HDAC9: variants seen among roughly 807,000 people sequenced by gnomAD.
The protein encoded by HDAC9 is MEF-2 interacting transcription repressor (MITR) protein.
A neutral mutation model predicts 139.4 loss-of-function variants in HDAC9; 41 were observed. The ratio of observed to expected loss-of-function variants is 0.29; its 90% confidence interval spans 0.23 to 0.38. The LOEUF (loss-of-function observed/expected upper bound fraction) is 0.38. Ranked by LOEUF, HDAC9 falls within the 10% of genes least tolerant of loss-of-function variation. The pLI is 1.00. For missense variants in HDAC9, 1,147 were observed against 1,297.0 expected, an observed-to-expected ratio of 0.88 and a Z score of 1.78; for synonymous variants, 517 against 476.2, an observed-to-expected ratio of 1.09 and a Z score of -1.12.
chr7:18,937,273 C>A (rs959308497), intron 23 of HDAC9, among the ~76,000 whole-genome samples: 3 of 151,882 alleles, frequency 2.0e-5, no homozygotes, highest in Admixed American at 2.0e-4. Flanking sequence ...CTCCTGACCT[C>A]GTGATCTGCC....
intron 1 of HDAC9, among the ~76,000 whole-genome samples, chr7:18,453,668 A>G (rs888024961): frequency 1.3e-5 from 2 of 152,168 alleles, no homozygotes; most frequent in Non-Finnish European, 2.9e-5. Context: ...ATATAATATC[A>G]TAACTTATTT....
intron 22 of HDAC9, among the ~76,000 whole-genome samples, chr7:18,900,300 C>G (rs1990115): frequency 0.08 from 12,119 of 152,090 alleles, 741 homozygotes; most frequent in African/African-American, 0.17. Context: ...ACTGGGAAAA[C>G]TCTAGGGTGC....
intron 11 of HDAC9, among the ~76,000 whole-genome samples, chr7:18,663,547 A>G (rs1429427992): frequency 6.6e-6 from 1 of 151,796 alleles, no homozygotes; most frequent in African/African-American, 2.4e-5. Context: ...CTCAGTTCCT[A>G]TTCCATGACC....
intron 1 of HDAC9, among the ~76,000 whole-genome samples, chr7:18,099,003 A>G (rs571754388): frequency 1.3e-5 from 2 of 152,302 alleles, no homozygotes; most frequent in South Asian, 4.1e-4. Flanking sequence ...TTCATTCTTG[A>G]CAGGTTGGGG....
At chr7:18,117,151 A>C (rs1292514079) in intron 1 of HDAC9, among the ~76,000 whole-genome samples, 1 of 152,138 alleles carries the variant, frequency 6.6e-6, no homozygotes, top group Non-Finnish European at 1.5e-5. Context: ...GGTACCAGTG[A>C]ATGCGACCTT....
chr7:18,276,691 G>T (rs1169766412), intron 2 of HDAC9, among the ~76,000 whole-genome samples: 2 of 152,130 alleles, frequency 1.3e-5, no homozygotes, highest in Admixed American at 6.6e-5. Flanking sequence ...ACAGTGAGTG[G>T]TGTTACATTT....
intron 23 of HDAC9, among the ~76,000 whole-genome samples, chr7:18,953,937 A>G (rs1189963853): frequency 1.3e-5 from 2 of 152,100 alleles, no homozygotes; most frequent in Non-Finnish European, 2.9e-5. Flanking sequence ...TCTTGTGACC[A>G]ATGGAAAAGC....
At chr7:18,503,081 A>T (rs1048062371) in intron 2 of HDAC9, among the ~76,000 whole-genome samples, 1 of 152,208 alleles carries the variant, frequency 6.6e-6, no homozygotes, top group African/African-American at 2.4e-5. Context: ...CTGAATTTGA[A>T]TGCTTTGAAA....
chr7:18,336,608 T>A (rs1368807121), intron 1 of HDAC9, among the ~76,000 whole-genome samples: 1 of 151,688 alleles, frequency 6.6e-6, no homozygotes, highest in East Asian at 1.9e-4. Flanking sequence ...TTATTATTGC[T>A]AGTTTAATCT....
chr7:18,635,669 A>T (rs1783664892), intron 8 of HDAC9, among the ~76,000 whole-genome samples: 1 of 152,076 alleles, frequency 6.6e-6, no homozygotes, highest in Non-Finnish European at 1.5e-5. Flanking sequence ...TGCTCTGTGC[A>T]AGGAGAGCTG....
intron 1 of HDAC9, among the ~76,000 whole-genome samples, chr7:18,405,853 A>G (rs1787955108): frequency 2.0e-5 from 3 of 152,202 alleles, no homozygotes; most frequent in African/African-American, 7.2e-5. Context: ...TTAACAAAAC[A>G]ACTTTGGCAG....
intron 1 of HDAC9, among the ~76,000 whole-genome samples, chr7:18,464,823 C>T (rs1373705559): frequency 5.9e-5 from 9 of 151,978 alleles, no homozygotes; most frequent in Non-Finnish European, 1.5e-5. Flanking sequence ...TTGGTGAGTT[C>T]TGGACTTCAA....
intron 1 of HDAC9, among the ~76,000 whole-genome samples, chr7:18,092,523 C>A (rs550692835): frequency 6.6e-6 from 1 of 151,744 alleles, no homozygotes; most frequent in African/African-American, 2.4e-5. Context: ...CTGCTGCTGT[C>A]GCTGCTGGCA....
At chr7:18,157,383 G>A (rs1787289594) in intron 1 of HDAC9, among the ~76,000 whole-genome samples, 1 of 152,072 alleles carries the variant, frequency 6.6e-6, no homozygotes, top group Non-Finnish European at 1.5e-5. Context: ...TGGGATGAAA[G>A]GAGACCAGTT....
intron 1 of HDAC9, among the ~76,000 whole-genome samples, chr7:18,406,230 C>T (rs1043552006): frequency 2.0e-5 from 3 of 152,008 alleles, no homozygotes; most frequent in African/African-American, 7.2e-5. Flanking sequence ...AGAGTTAACA[C>T]AAAACATTGT....
At chr7:18,792,114 C>T (rs1450677246) in intron 16 of HDAC9, among the ~76,000 whole-genome samples, 1 of 151,700 alleles carries the variant, frequency 6.6e-6, no homozygotes, top group Non-Finnish European at 1.5e-5. Context: ...ATTCATTGTT[C>T]TTGGTAGTAT....
intron 21 of HDAC9, among the ~76,000 whole-genome samples, chr7:18,867,958 T>A (rs1408860665): frequency 6.6e-6 from 1 of 152,220 alleles, no homozygotes; most frequent in Non-Finnish European, 1.5e-5. Flanking sequence ...TATCTTTAAG[T>A]ACTTCCCTTG....
intron 1 of HDAC9, among the ~76,000 whole-genome samples, chr7:18,449,532 G>A (rs1792602154): frequency 6.6e-6 from 1 of 151,976 alleles, no homozygotes; most frequent in African/African-American, 2.4e-5. Flanking sequence ...TGATCTAGCT[G>A]GTTTATTGGG....
At chr7:18,299,011 C>T (rs1479425904) in intron 1 of HDAC9, among the ~76,000 whole-genome samples, 1 of 151,816 alleles carries the variant, frequency 6.6e-6, no homozygotes, top group Non-Finnish European at 1.5e-5. Flanking sequence ...TTTTGGAGCC[C>T]AACTATTCTT....
Sources: allele counts gnomAD v4.1 joint callset (sites outside exome capture counted in the v4.1 genomes callset), GRCh38; gene constraint gnomAD v4.1.1; transcripts MANE v1.5; gene names NCBI Gene and HGNC (gene_info 2026-07-23, HGNC 2026-07-21).